PCDH7: variants seen among roughly 807,000 people sequenced by gnomAD.
The protein encoded by PCDH7 is protocadherin 7, also known as protocadherin-7.
PCDH7 carries 17 observed loss-of-function variants against 58.9 expected under a neutral mutation model. The ratio of observed to expected loss-of-function variants is 0.29; its 90% CI spans 0.20 to 0.43. PCDH7 has a LOEUF of 0.43. Ranked by LOEUF, PCDH7 falls within the 20% of genes least tolerant of loss-of-function variation. PCDH7 has a pLI of 1.00. For missense variants in PCDH7, 1,274 were observed against 1,441.0 expected (o/e 0.88, Z 1.88); for synonymous variants, 664 against 616.4 (o/e 1.08, Z -1.14).
chr4:30,983,206 C>A (rs1321109904), intron 3 of PCDH7, among the ~76,000 whole-genome samples: 1 of 152,154 alleles, frequency 6.6e-6, no homozygotes, highest in Non-Finnish European at 1.5e-5. Flanking sequence ...ATCATACATA[C>A]ACATTTACAA....
exon 2 of PCDH7, chr4:30,732,305 GT>G (rs1291693923): frequency 6.6e-6 from 1 of 152,104 alleles, no homozygotes; most frequent in Non-Finnish European, 1.5e-5. Context: ...TGAAAATGCT[GT>G]TTTCCTCATT....
At chr4:31,068,065 C>T (rs768745011) in intron 3 of PCDH7, among the ~76,000 whole-genome samples, 12 of 151,940 alleles carry the variant, frequency 7.9e-5, no homozygotes, top group Admixed American at 1.3e-4. Flanking sequence ...TAGAAAGAGA[C>T]ATGATGCAGA....
chr4:30,828,213 A>G (rs1231864837), intron 1 of PCDH7, among the ~76,000 whole-genome samples: 1 of 151,496 alleles, frequency 6.6e-6, no homozygotes, highest in African/African-American at 2.4e-5. Context: ...ATTTCAGGCA[A>G]TGACTATCTC....
intron 3 of PCDH7, among the ~76,000 whole-genome samples, chr4:31,035,464 G>A (rs968727185): frequency 2.6e-5 from 4 of 152,022 alleles, no homozygotes; most frequent in Admixed American, 6.6e-5. Context: ...ACGTTGGCCA[G>A]GCTGGCCTCA....
At chr4:31,122,971 A>G (rs1045697504) in intron 3 of PCDH7, among the ~76,000 whole-genome samples, 34 of 152,056 alleles carry the variant, frequency 2.2e-4, no homozygotes, top group African/African-American at 7.5e-4. Context: ...ACTGTCAGAA[A>G]ATCATTAACT....
At chr4:31,063,151 T>C (rs1472054710) in intron 3 of PCDH7, among the ~76,000 whole-genome samples, 1 of 151,904 alleles carries the variant, frequency 6.6e-6, no homozygotes. Context: ...TACCTCCAGA[T>C]AGATCTATTA....
chr4:30,787,464 CAT>C (rs1285778656), intron 1 of PCDH7, among the ~76,000 whole-genome samples: 1 of 152,036 alleles, frequency 6.6e-6, no homozygotes, highest in Non-Finnish European at 1.5e-5. Flanking sequence ...CTTGTTGAAA[CAT>C]AACTTATGAC....
intron 1 of PCDH7, among the ~76,000 whole-genome samples, chr4:30,879,804 C>T (rs1039864102): frequency 6.6e-6 from 1 of 151,920 alleles, no homozygotes; most frequent in Non-Finnish European, 1.5e-5. Flanking sequence ...CAGTAGCATC[C>T]CTTGTTTCTT....
At chr4:30,767,841 T>G (rs1577716841) in intron 1 of PCDH7, among the ~76,000 whole-genome samples, 1 of 152,344 alleles carries the variant, frequency 6.6e-6, no homozygotes, top group East Asian at 1.9e-4. Flanking sequence ...TTTGTACTGC[T>G]TATCTTCTGA....
At chr4:31,038,197 T>C (rs919170806) in intron 3 of PCDH7, among the ~76,000 whole-genome samples, 3 of 152,196 alleles carry the variant, frequency 2.0e-5, no homozygotes, top group South Asian at 2.1e-4. Context: ...TCCGAGGAGA[T>C]TGTTTGATAT....
At chr4:31,048,371 A>T (rs1413838117) in intron 3 of PCDH7, among the ~76,000 whole-genome samples, 1 of 152,088 alleles carries the variant, frequency 6.6e-6, no homozygotes, top group Non-Finnish European at 1.5e-5. Context: ...AAATTTAGTC[A>T]TTCTGTTTTC....
intron 3 of PCDH7, among the ~76,000 whole-genome samples, chr4:31,067,374 C>CAAAA (rs10715937): frequency 4.6e-5 from 5 of 109,644 alleles, no homozygotes; most frequent in South Asian, 2.8e-4. Context: ...ATCACTGAGA[C>CAAAA]AAAAAAAAAA....
At chr4:31,062,841 G>T (rs1009501912) in intron 3 of PCDH7, among the ~76,000 whole-genome samples, 2 of 151,670 alleles carry the variant, frequency 1.3e-5, no homozygotes, top group African/African-American at 2.4e-5. Flanking sequence ...CAAAAACTTC[G>T]TGTTTTTAAT....
At chr4:30,949,926 T>C (rs181501616) in intron 2 of PCDH7, among the ~76,000 whole-genome samples, 92 of 152,320 alleles carry the variant, frequency 6.0e-4, no homozygotes, top group African/African-American at 2.2e-3. Flanking sequence ...GTTGAAAGAC[T>C]GTTCAAATTA....
At chr4:30,908,506 C>T (rs1741292981) in intron 1 of PCDH7, among the ~76,000 whole-genome samples, 1 of 152,032 alleles carries the variant, frequency 6.6e-6, no homozygotes, top group Admixed American at 6.6e-5. Context: ...TGTCACACAA[C>T]AAAGATTAAA....
intron 1 of PCDH7, among the ~76,000 whole-genome samples, chr4:30,844,950 C>T (rs1321623970): frequency 6.6e-6 from 1 of 152,156 alleles, no homozygotes; most frequent in Non-Finnish European, 1.5e-5. Flanking sequence ...ATCAAAAGTG[C>T]ATCTTTGAAT....
intron 3 of PCDH7, among the ~76,000 whole-genome samples, chr4:31,127,900 T>G (rs1560249762): frequency 6.6e-6 from 1 of 151,902 alleles, no homozygotes; most frequent in African/African-American, 2.4e-5. Context: ...AATTTCCATA[T>G]AATATGATTA....
intron 3 of PCDH7, among the ~76,000 whole-genome samples, chr4:31,101,801 T>C (rs575146721): frequency 6.6e-6 from 1 of 152,238 alleles, no homozygotes; most frequent in Non-Finnish European, 1.5e-5. Flanking sequence ...GCGAAGCATA[T>C]TGAGTGATTT....
chr4:31,040,267 C>G (rs1344135220), intron 3 of PCDH7, among the ~76,000 whole-genome samples: 1 of 152,078 alleles, frequency 6.6e-6, no homozygotes, highest in African/African-American at 2.4e-5. Context: ...CCATTCTTCC[C>G]CACTCTTCCC....
Sources: allele counts gnomAD v4.1 joint callset (sites outside exome capture counted in the v4.1 genomes callset), GRCh38; gene constraint gnomAD v4.1.1; transcripts MANE v1.5; gene names NCBI Gene and HGNC (gene_info 2026-07-23, HGNC 2026-07-21).